Variants in ATP6V0A2 observed in about 807,000 individuals in gnomAD.
ATP6V0A2 encodes the protein V-type proton ATPase 116 kDa subunit a 2.
ATP6V0A2 carries 58 observed loss-of-function variants against 104.4 expected under a neutral mutation model. The observed-to-expected ratio is 0.56, with a 90% CI of 0.45 to 0.69. The LOEUF (loss-of-function observed/expected upper bound fraction) is 0.69, where lower values mean the gene tolerates loss of function less well. Among genes scored for constraint, ATP6V0A2 ranks in the 30% least tolerant of loss-of-function variants. The probability of loss-of-function intolerance (pLI) is 0.00; values close to 1 mark genes in which losing one functional copy is unlikely to be tolerated. For missense variants in ATP6V0A2, 938 were observed against 1,062.9 expected (o/e 0.88, Z 1.63); for synonymous variants, 376 against 397.9 (o/e 0.95, Z 0.65).
At chr12:123,719,487 A>G (rs191432243) in intron 2 of ATP6V0A2, among the ~76,000 whole-genome samples, 34 of 151,176 alleles carry the variant, frequency 2.2e-4, no homozygotes, top group Middle Eastern at 3.4e-3. Context: ...CCTGGGTTCC[A>G]GCGATTCTCC....
At chr12:123,725,471 G>A (rs1247813810) in intron 4 of ATP6V0A2, among the ~76,000 whole-genome samples, 1 of 152,102 alleles carries the variant, frequency 6.6e-6, no homozygotes, top group South Asian at 2.1e-4. Context: ...GGAAGTAAAA[G>A]AATAATCTAT....
Position 123,743,795 on chromosome 12 carries a change from G to T in ATP6V0A2, c.1049G>T (p.Gly350Val). 6.2e-7 allele frequency: 1 copy of T among 1,614,068 alleles called. No homozygotes were observed. The highest frequency in any genetic ancestry group is 8.5e-7 in the Non-Finnish European group (1 of 1,179,974). Residue 350 changes from glycine to valine, a missense_variant, in exon 10 of 20, where the codon GGT becomes GTT. Physicochemically the swap from Gly to Val is moderately radical, Grantham distance 109. Coordinates refer to ENST00000330342, the MANE Select transcript of ATP6V0A2 (RefSeq NM_012463.4). ...TTGTTTATGTGGAAGAGAGAGAGTG[G>T]TGCTACAATCCCCTCATTCATGAAT... ...RALEEGSRESGATIPSFMNII... is the reference protein window; with the variant it reads ...RALEEGSRESVATIPSFMNII...
At chr12:123,749,908 G>T (rs1227304370) in intron 15 of ATP6V0A2, 3 of 152,246 alleles carry the variant, frequency 2.0e-5, no homozygotes, top group Non-Finnish European at 4.4e-5. Flanking sequence ...TTGGGTGCTG[G>T]AAAGTTTTAA....
At position 123,748,686 on chromosome 12, in the gene ATP6V0A2, T is replaced by C. The variant is rs760589677; in HGVS notation, c.1836T>C (p.Phe612=). Residue 612 remains phenylalanine, a synonymous_variant, in exon 15 of 20, where the codon TTT becomes TTC. Transcript: ENST00000330342. The stretch of plus-strand genomic sequence containing the variant: ...TGATTTTCTACAAGTGGCTGGTTTT[T>C]TCAGCAGAAACCTCCAGAGTTGCTC... ...IFMIFYKWLV[F]SAETSRVAPS... 1 of 1,614,230 alleles carries C rather than the reference T, an allele frequency of 6.2e-7. No individual in the cohort carries two copies. The highest frequency in any genetic ancestry group is 1.1e-5 in the South Asian group (1 of 91,082).
chr12:123,729,952 C>G (rs1440864916), intron 6 of ATP6V0A2, among the ~76,000 whole-genome samples: 1 of 149,856 alleles, frequency 6.7e-6, no homozygotes, highest in South Asian at 2.1e-4. Context: ...GTAGCTGGGA[C>G]TATATAGGCG....
intron 3 of ATP6V0A2, chr12:123,723,633 G>A (rs2135886236): frequency 6.6e-6 from 1 of 151,666 alleles, no homozygotes; most frequent in East Asian, 1.9e-4. Context: ...GCTAATTTTT[G>A]TATTTTTAGT....
At chr12:123,718,052 G>A (rs1593883594) in intron 1 of ATP6V0A2, among the ~76,000 whole-genome samples, 1 of 150,770 alleles carries the variant, frequency 6.6e-6, no homozygotes, top group East Asian at 2.0e-4. Context: ...AGCCTTCCAA[G>A]TAGCTGGAAT....
chr12:123,744,755 C>G lies in ATP6V0A2; in HGVS notation c.1485C>G (p.Pro495=). The G allele has an allele frequency of 6.2e-7, 1 of 1,614,150 alleles. No homozygotes were observed. The highest frequency in any genetic ancestry group is 1.3e-5 in the African/African-American group (1 of 75,038). Residue 495 remains proline, a synonymous_variant, in exon 12 of 20, where the codon CCC becomes CCG. Transcript: ENST00000330342. The surrounding 1 kb of genome is among the most constrained non-coding windows in gnomAD (Gnocchi z 5.4). ...CCATGTACAGCTCCAGCCACCCACCCGCAGAGCATAAGAAGATGGTGCTTT... is the reference window on the plus strand; with the variant it reads ...CCATGTACAGCTCCAGCCACCCACCGGCAGAGCATAAGAAGATGGTGCTTT... The part of the protein sequence containing the change: ...VSAMYSSSHP[P]AEHKKMVLWN...
In ATP6V0A2 at chr12:123,744,941, TC is replaced by T; in HGVS notation, c.1576del (p.Arg526GlufsTer22). The T allele has an allele frequency of 1.2e-6, 2 of 1,614,222 alleles. No homozygotes were observed. The highest frequency in any genetic ancestry group is 1.7e-6 in the Non-Finnish European group (2 of 1,180,044). On this transcript the variant is annotated frameshift_variant, in exon 13 of 20. Coordinates refer to ENST00000330342, the MANE Select transcript of ATP6V0A2 (RefSeq NM_012463.4). LOFTEE classifies it high-confidence loss of function. This position sits in a 1 kb window ranked among gnomAD's most constrained non-coding sequence, Gnocchi z 5.4. ...CTGGATCCAAGCATTCCTGGAGTGT[TC>T]CGAGGCCCTTATCCCCTTGGCATTG... Reference protein sequence around the residue: ...LQLDPSIPGVFRGPYPLGIDP... With the variant: ...LQLDPSIPGVXRGPYPLGIDP...
intron 7 of ATP6V0A2, 121 bp from the exon 8 acceptor site, chr12:123,735,410 G>C (rs1956542602): frequency 2.3e-6 from 2 of 852,094 alleles, no homozygotes; most frequent in South Asian, 2.7e-5. Context: ...GACTGCATCT[G>C]CACCCGTGTC....
intron 15 of ATP6V0A2, among the ~76,000 whole-genome samples, chr12:123,749,069 T>G (rs1323449142): frequency 1.3e-5 from 2 of 152,158 alleles, no homozygotes; most frequent in Non-Finnish European, 2.9e-5. Context: ...GCTGGCGGAT[T>G]GCTTGAGCCC....
At chr12:123,746,955 A>G (rs972559634) in intron 13 of ATP6V0A2, among the ~76,000 whole-genome samples, 2 of 151,922 alleles carry the variant, frequency 1.3e-5, no homozygotes, top group Admixed American at 6.6e-5. Context: ...ATCTTAATAG[A>G]CCCTGTTTCC....
At chr12:123,741,454 A>G (rs946586376) in intron 9 of ATP6V0A2, among the ~76,000 whole-genome samples, 12 of 152,020 alleles carry the variant, frequency 7.9e-5, no homozygotes, top group African/African-American at 2.7e-4. Context: ...TTCATTTTTT[A>G]GACAAGGTCT....
chr12:123,736,998 C>T, intron 8 of ATP6V0A2, 61 bp from the exon 9 acceptor site: 1 of 1,523,688 alleles, frequency 6.6e-7, no homozygotes. Context: ...AAGTCGGGTG[C>T]CAGGTGGACA....
At chr12:123,723,319 T>C (rs1211671363) in intron 3 of ATP6V0A2, 3 of 152,204 alleles carry the variant, frequency 2.0e-5, no homozygotes, top group Non-Finnish European at 4.4e-5. Flanking sequence ...GTAATGAATA[T>C]AGTATATTAA....
At chr12:123,720,717 A>G (rs561043606) in intron 2 of ATP6V0A2, among the ~76,000 whole-genome samples, 2 of 152,176 alleles carry the variant, frequency 1.3e-5, no homozygotes, top group African/African-American at 4.8e-5. Context: ...AAAACAGTGA[A>G]AAAGGACCTC....
intron 8 of ATP6V0A2, among the ~76,000 whole-genome samples, chr12:123,736,090 C>T (rs1324860996): frequency 6.6e-6 from 1 of 151,650 alleles, no homozygotes; most frequent in Non-Finnish European, 1.5e-5. Context: ...CCAGGCTGGT[C>T]TAAAATTCCT....
chr12:123,744,883 G>T lies in ATP6V0A2; in HGVS notation c.1516G>T (p.Asp506Tyr). 6.2e-7 allele frequency: 1 copy of T among 1,614,112 alleles called. No individual in the cohort carries two copies. Among genetic ancestry groups the T allele is most frequent in the Non-Finnish European group, 8.5e-7 (1 of 1,180,008 alleles). Reference sequence around the variant, plus strand: ...TCCTCACTCTGCTTTTTGTTACAGTGACAGCGTCGTTAGACACAACAGCAT... The same window carrying T: ...TCCTCACTCTGCTTTTTGTTACAGTTACAGCGTCGTTAGACACAACAGCAT... ...AEHKKMVLWN[D>Y]SVVRHNSILQ... Residue 506 changes from aspartate to tyrosine, a missense_variant and splice_region_variant, in exon 13 of 20, where the codon GAC (aspartate) becomes TAC (tyrosine). Transcript: ENST00000330342. This position sits in a 1 kb window ranked among gnomAD's most constrained non-coding sequence, Gnocchi z 5.4.
chr12:123,748,748 T>A lies in ATP6V0A2; in HGVS notation c.1898T>A (p.Phe633Tyr). 6.2e-7 allele frequency: 1 copy of A among 1,614,002 alleles called. No homozygotes were observed. The highest frequency in any genetic ancestry group is 2.2e-5 in the East Asian group (1 of 44,890). Residue 633 changes from phenylalanine to tyrosine, a missense_variant, in exon 15 of 20, where the codon TTC becomes TAC. Coordinates refer to ENST00000330342, the MANE Select transcript of ATP6V0A2 (RefSeq NM_012463.4). ...ILIEFINMFL[F>Y]PASKTSGLYT... Reference sequence around the variant, plus strand: ...ATTGAATTTATTAACATGTTTTTATTCCCAGCCAGTAAAACAAGTGGCCTT... The same window carrying A: ...ATTGAATTTATTAACATGTTTTTATACCCAGCCAGTAAAACAAGTGGCCTT...
Sources: gnomAD v4.1 joint callset for allele counts (sites outside exome capture counted in the v4.1 genomes callset) on GRCh38, gnomAD v4.1.1 for gene constraint, Gnocchi (gnomAD v3.1) non-coding constraint, MANE v1.5 for transcripts, NCBI Gene and HGNC (gene_info 2026-07-23, HGNC 2026-07-21) for gene names.